H6PD: variants seen among roughly 807,000 people sequenced by gnomAD.
H6PD encodes hexose-6-phosphate dehydrogenase/glucose 1-dehydrogenase, also known as GDH/6PGL endoplasmic bifunctional protein.
A neutral mutation model predicts 61.2 loss-of-function variants in H6PD; 48 were observed. The observed-to-expected ratio is 0.78, with a 90% CI of 0.62 to 1.00. The LOEUF (loss-of-function observed/expected upper bound fraction) is 1.00, where lower values mean the gene tolerates loss of function less well. Ranked by LOEUF, H6PD falls within the 50% of genes least tolerant of loss-of-function variation. H6PD has a pLI of 0.00. For synonymous variants in H6PD, 480 were observed against 457.9 expected (o/e 1.05, Z -0.62); for missense variants, 1,093 against 1,065.0 (o/e 1.03, Z -0.37).
At chr1:9,253,034 C>T (rs910666529) in intron 3 of H6PD, among the ~76,000 whole-genome samples, 2 of 152,158 alleles carry the variant, frequency 1.3e-5, no homozygotes, top group African/African-American at 2.4e-5. Flanking sequence ...TCCACAATAA[C>T]GGGCAGTAAC....
chr1:9,259,903 C>T (rs527356343), intron 3 of H6PD, among the ~76,000 whole-genome samples: 1 of 147,260 alleles, frequency 6.8e-6, no homozygotes, highest in Admixed American at 6.7e-5. Context: ...TGTTATGTTG[C>T]TGTTGTTACG....
At position 9,264,390 on chromosome 1, in the gene H6PD, T is replaced by C. The variant is rs767325822; in HGVS notation, c.1897T>C (p.Phe633Leu). ...CVPLSDPESN[F>L]QGLQAHLLQH... ...CCCACTCTCAGACCCGGAGTCCAAC[T>C]TCCAGGGCCTGCAGGCCCACCTGCT... Residue 633 changes from phenylalanine to leucine, a missense_variant, in exon 5 of 5, where the codon TTC becomes CTC. By Grantham distance (22) the Phe-to-Leu change is conservative. Coordinates refer to ENST00000377403, the MANE Select transcript of H6PD (RefSeq NM_004285.4). 2.5e-6 allele frequency: 4 copies of C among 1,612,978 alleles called. No homozygotes were observed. The highest frequency in any genetic ancestry group is 1.1e-5 in the South Asian group (1 of 91,088).
At position 9,262,138 on chromosome 1, in the gene H6PD, G is replaced by T; in HGVS notation, c.825G>T (p.Val275=). ...QNHLTEVLTL[V]AMELPHNVSS... is the part of the protein sequence containing the mutation. ...ATCTGACGGAGGTCCTCACCCTCGT[G>T]GCCATGGAGCTGCCCCACAATGTCA... Residue 275 remains valine (V), a synonymous_variant, in exon 4 of 5, where the codon GTG becomes GTT. Transcript: ENST00000377403. The T allele has an allele frequency of 6.2e-7, 1 of 1,614,224 alleles. No homozygotes were observed. The highest frequency in any genetic ancestry group is 8.5e-7 in the Non-Finnish European group (1 of 1,180,014).
chr1:9,246,491 G>C (rs897605052), intron 2 of H6PD, among the ~76,000 whole-genome samples: 2 of 152,170 alleles, frequency 1.3e-5, no homozygotes, highest in Non-Finnish European at 2.9e-5. Context: ...TGGTGCGGGT[G>C]GGCATAGGCA....
Position 9,245,259 on chromosome 1 carries a change from C to T in H6PD, c.325C>T (p.Arg109Cys), listed in dbSNP as rs765105931. The change falls in exon 2 of 5, where the codon CGC becomes TGC. Residue 109 changes from arginine to cysteine, a missense_variant. By Grantham distance (180) the Arg-to-Cys change is radical (BLOSUM62 -3). Transcript: ENST00000377403. The surrounding 1 kb of genome is among the most constrained non-coding windows in gnomAD (Gnocchi z 4.8). ...KDQFLQLSQYRQLKTAEDYQA... is the reference protein window; with the variant it reads ...KDQFLQLSQYCQLKTAEDYQA... ...TCAGTTCCTGCAGCTGAGCCAGTAC[C>T]GCCAACTGAAGACGGCCGAGGACTA... is the stretch of plus-strand genomic sequence containing the variant. 5.6e-6 allele frequency: 9 copies of T among 1,614,076 alleles called. No individual in the cohort carries two copies. Among genetic ancestry groups the T allele is most frequent in the African/African-American group, 5.3e-5 (4 of 74,938 alleles).
rs757364852 is a variant in H6PD at position 9,262,136 on chromosome 1, G to A, written c.823G>A (p.Val275Met). 24 of 1,614,078 alleles carry A rather than the reference G, an allele frequency of 1.5e-5. No homozygotes were observed. The highest frequency in any genetic ancestry group is 1.3e-4 in the African/African-American group (10 of 74,932). ...QNHLTEVLTLVAMELPHNVSS... is the reference protein window; with the variant it reads ...QNHLTEVLTLMAMELPHNVSS... ...CCATCTGACGGAGGTCCTCACCCTCGTGGCCATGGAGCTGCCCCACAATGT... is the reference window on the plus strand; with the variant it reads ...CCATCTGACGGAGGTCCTCACCCTCATGGCCATGGAGCTGCCCCACAATGT... The change falls in exon 4 of 5, where the codon GTG becomes ATG. Residue 275 changes from valine (V) to methionine (M), a missense_variant. Transcript: ENST00000377403.
Position 9,263,657 on chromosome 1 carries a change from G to C in H6PD, c.1164G>C (p.Ala388=), listed in dbSNP as rs139280233. ...TGCAGAGCGAAAAGCACTGGGCCGCGGCGCAGAGCCAGTGCCTGCCCCGGC... is the reference window on the plus strand; with the variant it reads ...TGCAGAGCGAAAAGCACTGGGCCGCCGCGCAGAGCCAGTGCCTGCCCCGGC... ...CCVQSEKHWA[A]AQSQCLPRQL... The change falls in exon 5 of 5, where the codon GCG becomes GCC. Residue 388 remains alanine, a synonymous_variant. Transcript: ENST00000377403. 1.9e-6 allele frequency: 3 copies of C among 1,614,160 alleles called. No homozygotes were observed. Among genetic ancestry groups the C allele is most frequent in the South Asian group, 1.1e-5 (1 of 91,088 alleles).
At position 9,269,585 on chromosome 1, in the gene H6PD, C is replaced by T. The variant is rs1638685343; in HGVS notation, c.*4716C>T. 1 of 152,256 alleles carries T rather than the reference C, an allele frequency of 6.6e-6. No individual in the cohort carries two copies. Among genetic ancestry groups the T allele is most frequent in the Non-Finnish European group, 1.5e-5 (1 of 68,068 alleles). The allele number at this position is 152,256 out of a possible 1,614,324, so 9.4% of individuals were successfully genotyped here. On this transcript the variant is annotated 3_prime_UTR_variant, in exon 5 of 5. Transcript: ENST00000377403. The surrounding 1 kb of genome is among the most constrained non-coding windows in gnomAD (Gnocchi z 4.3). ...GACCAGCAAGTGTGAGTCCCGGTGT[C>T]AGTCGGCACAGTCCAGTGTCCATCT...
chr1:9,236,064 A>T (rs1165222432), intron 1 of H6PD, among the ~76,000 whole-genome samples: 1 of 151,996 alleles, frequency 6.6e-6, no homozygotes, highest in Non-Finnish European at 1.5e-5. Context: ...ATCTCGGCCC[A>T]CTGCAACCTT....
chr1:9,262,276 CAG>C lies in H6PD; in HGVS notation c.968_969del (p.Glu323AlafsTer22). 2 of 1,609,498 alleles carry C rather than the reference CAG, an allele frequency of 1.2e-6. No individual in the cohort carries two copies. The highest frequency in any genetic ancestry group is 8.5e-7 in the Non-Finnish European group (1 of 1,177,984). ...QYQSYSEQVR[R>X]ELQKPDSFHS... The stretch of plus-strand genomic sequence containing the variant: ...ACCAGTCTTACAGTGAGCAGGTGCG[CAG>C]AGAGCTGCAGAAGCCAGACAGCTTC... On this transcript the variant is annotated frameshift_variant, in exon 4 of 5. Transcript: ENST00000377403. LOFTEE classifies it high-confidence loss of function.
chr1:9,242,182 G>A (rs1022979270), intron 1 of H6PD, among the ~76,000 whole-genome samples: 4 of 152,126 alleles, frequency 2.6e-5, no homozygotes, highest in African/African-American at 4.8e-5. Flanking sequence ...TCTGGTGCTC[G>A]CTGCTCAGTA....
intron 1 of H6PD, among the ~76,000 whole-genome samples, chr1:9,240,190 C>A (rs1640956103): frequency 6.6e-6 from 1 of 152,064 alleles, no homozygotes; most frequent in South Asian, 2.1e-4. Context: ...CATTTTGTTT[C>A]GTAGTGAGTG....
At position 9,245,025 on chromosome 1, in the gene H6PD, C is replaced by A. The variant is rs944435283; in HGVS notation, c.91C>A (p.Leu31Met). The A allele has an allele frequency of 6.2e-6, 10 of 1,614,090 alleles. No homozygotes were observed. The African/African-American group carries it at 1.1e-4, about 17-fold the overall frequency. Residue 31 changes from leucine (L) to methionine (M), a missense_variant, in exon 2 of 5, where the codon CTG becomes ATG. Leu to Met is a conservative substitution (Grantham distance 15). Transcript: ENST00000377403. The surrounding 1 kb of genome is among the most constrained non-coding windows in gnomAD (Gnocchi z 4.8). ...CCAGGGACATGTCTCCATAATCCTGCTGGGAGCAACTGGGGACCTGGCTAA... is the reference window on the plus strand; with the variant it reads ...CCAGGGACATGTCTCCATAATCCTGATGGGAGCAACTGGGGACCTGGCTAA... ...ELQGHVSIIL[L>M]GATGDLAKKY... is the part of the protein sequence containing the mutation.
In H6PD at chr1:9,244,643, C is replaced by T. The variant is rs117132959; in HGVS notation, c.-10-282C>T. On this transcript the variant is annotated intron_variant, in intron 1 of 4. Transcript: ENST00000377403. The stretch of plus-strand genomic sequence containing the variant: ...TGCGGCCCTCCCTGGTGGCCTTTGC[C>T]GCTTTCCTATGCTCCTGGCAGCAAA... 1.5e-3 allele frequency among the ~76,000 whole-genome samples: 235 copies of T among 152,324 alleles called. 3 individuals are homozygous for T. The East Asian group carries it at 0.03, about 20-fold the overall frequency.
intron 3 of H6PD, among the ~76,000 whole-genome samples, chr1:9,248,435 C>A (rs1461156887): frequency 6.6e-6 from 1 of 152,208 alleles, no homozygotes; most frequent in Non-Finnish European, 1.5e-5. Flanking sequence ...TCAGATATGG[C>A]TCCCTAATAC....
chr1:9,249,011 A>C (rs1298833372), intron 3 of H6PD, among the ~76,000 whole-genome samples: 2 of 152,192 alleles, frequency 1.3e-5, no homozygotes, highest in African/African-American at 4.8e-5. Context: ...GAGAGCCTAG[A>C]GCAGAATTGG....
At chr1:9,256,868 CTTCTCT>C (rs1641536654) in intron 3 of H6PD, among the ~76,000 whole-genome samples, 1 of 152,132 alleles carries the variant, frequency 6.6e-6, no homozygotes, top group Non-Finnish European at 1.5e-5. Context: ...TATTCCCTCG[CTTCTCT>C]TTCTGTTTCC....
intron 2 of H6PD, among the ~76,000 whole-genome samples, chr1:9,246,690 C>T (rs530623834): frequency 5.9e-5 from 9 of 152,290 alleles, no homozygotes; most frequent in Admixed American, 1.3e-4. Context: ...TGGTGTTAAA[C>T]CTATCTTTAT....
rs147645481 is a variant in H6PD, at chr1:9,257,139, T to C, written c.746-4920T>C. On this transcript the variant is annotated intron_variant, in intron 3 of 4. Transcript: ENST00000377403. ...GTCACTTTATATCCTGTTTTCTTTT[T>C]CTTTCTTTTTTTTTTTTGAGACAGG... Among the ~76,000 whole-genome samples the C allele has an allele frequency of 7.4e-3, 1,126 of 151,212 alleles. 11 individuals are homozygous for C. The highest frequency in any genetic ancestry group is 0.026 in the African/African-American group (1,067 of 40,908).
Sources: allele counts gnomAD v4.1 joint callset (sites outside exome capture counted in the v4.1 genomes callset), GRCh38; gene constraint gnomAD v4.1.1; non-coding constraint Gnocchi (gnomAD v3.1); transcripts MANE v1.5; gene names NCBI Gene and HGNC (gene_info 2026-07-23, HGNC 2026-07-21).